Variants in KLHL1 observed in about 807,000 individuals in gnomAD.
KLHL1 encodes kelch like family member 1, also known as kelch-like protein 1.
KLHL1 carries 47 observed loss-of-function variants against 77.7 expected under a neutral mutation model. That is an observed-to-expected ratio of 0.60 (90% CI 0.48 to 0.77). The LOEUF is 0.77. KLHL1 is among the 30% of genes least tolerant of loss of function. The probability of loss-of-function intolerance (pLI) is 0.00; values close to 1 mark genes in which losing one functional copy is unlikely to be tolerated. For missense variants in KLHL1, 925 were observed against 910.8 expected, an observed-to-expected ratio of 1.02 and a Z score of -0.20; for synonymous variants, 360 against 325.2, an observed-to-expected ratio of 1.11 and a Z score of -1.15.
At chr13:69,717,384 G>A (rs1048640378) in intron 9 of KLHL1, among the ~76,000 whole-genome samples, 1 of 152,088 alleles carries the variant, frequency 6.6e-6, no homozygotes, top group Admixed American at 6.6e-5. Context: ...TATAAAAAGT[G>A]CAAAAGTGCT....
chr13:69,846,616 AATAT>A (rs967588078), intron 5 of KLHL1, among the ~76,000 whole-genome samples: 1 of 151,462 alleles, frequency 6.6e-6, no homozygotes, highest in African/African-American at 2.4e-5. Flanking sequence ...GTTAGAAAAA[AATAT>A]ATATATGAAT....
At chr13:69,798,360 C>T (rs1877221256) in intron 6 of KLHL1, among the ~76,000 whole-genome samples, 1 of 152,100 alleles carries the variant, frequency 6.6e-6, no homozygotes, top group South Asian at 2.1e-4. Context: ...ACTTTCATAA[C>T]AGAAGTTTTG....
intron 5 of KLHL1, among the ~76,000 whole-genome samples, chr13:69,840,698 A>ATATGTATG (rs200339697): frequency 1.1e-3 from 165 of 146,302 alleles, no homozygotes; most frequent in South Asian, 1.9e-3. Context: ...ATATATATAT[A>ATATGTATG]TATGTATGTA....
chr13:70,072,229 T>C (rs529381263), intron 1 of KLHL1, among the ~76,000 whole-genome samples: 44 of 152,196 alleles, frequency 2.9e-4, no homozygotes, highest in African/African-American at 9.4e-4. Context: ...AAGGACACAA[T>C]TGACCAAAAC....
intron 9 of KLHL1, among the ~76,000 whole-genome samples, chr13:69,712,587 A>C (rs1006129821): frequency 6.6e-6 from 1 of 152,080 alleles, no homozygotes; most frequent in East Asian, 1.9e-4. Flanking sequence ...ATAATTTAAT[A>C]ATAAGCCTTT....
intron 4 of KLHL1, among the ~76,000 whole-genome samples, chr13:69,901,762 T>C (rs1474443047): frequency 6.6e-6 from 1 of 151,136 alleles, no homozygotes; most frequent in Non-Finnish European, 1.5e-5. Flanking sequence ...TGGAGCACAA[T>C]GAGTTTTTCA....
intron 6 of KLHL1, among the ~76,000 whole-genome samples, chr13:69,831,358 A>G (rs1353046115): frequency 6.7e-6 from 1 of 150,068 alleles, no homozygotes; most frequent in Non-Finnish European, 1.5e-5. Flanking sequence ...AGATTTGGAT[A>G]AATTCCTGGA....
chr13:69,794,863 G>T (rs1408109483), intron 7 of KLHL1, among the ~76,000 whole-genome samples: 2 of 152,012 alleles, frequency 1.3e-5, no homozygotes, highest in Non-Finnish European at 2.9e-5. Context: ...CTCAGGAAAG[G>T]ATAAAGACAA....
intron 1 of KLHL1, among the ~76,000 whole-genome samples, chr13:69,990,881 C>G (rs368822869): frequency 6.6e-6 from 1 of 151,866 alleles, no homozygotes; most frequent in Non-Finnish European, 1.5e-5. Context: ...GGTACATGCT[C>G]TAAAGTCAAC....
chr13:70,107,393 G>T lies in KLHL1; in HGVS notation c.307C>A (p.Leu103Met), dbSNP rs1192023382. 1 of 1,613,952 alleles carries T rather than the reference G, an allele frequency of 6.2e-7. No homozygotes were observed. Residue 103 changes from leucine (L) to methionine (M), a missense_variant, in exon 1 of 11, where the codon CTG becomes ATG. By Grantham distance (15) the Leu-to-Met change is conservative. Transcript: ENST00000377844. ...CCCTGCCCAGGAGCCCCTTGCTGCAGCCTCGTGGCAACTGGAAGCAGGGTG... is the reference window on the plus strand; with the variant it reads ...CCCTGCCCAGGAGCCCCTTGCTGCATCCTCGTGGCAACTGGAAGCAGGGTG... ...NGTLLPVATR[L>M]QQGAPGQGTQ...
chr13:70,015,144 G>A (rs1306320521), intron 1 of KLHL1, among the ~76,000 whole-genome samples: 1 of 152,070 alleles, frequency 6.6e-6, no homozygotes, highest in Non-Finnish European at 1.5e-5. Flanking sequence ...AAATGATGGG[G>A]ATATGTTCAA....
At chr13:69,718,998 G>C (rs1042719600) in intron 9 of KLHL1, among the ~76,000 whole-genome samples, 1 of 152,018 alleles carries the variant, frequency 6.6e-6, no homozygotes, top group Admixed American at 6.6e-5. Context: ...ATTTTTAAAA[G>C]CATTAACAAA....
intron 4 of KLHL1, among the ~76,000 whole-genome samples, chr13:69,898,833 G>A (rs1881745646): frequency 1.3e-5 from 2 of 152,068 alleles, no homozygotes; most frequent in Admixed American, 1.3e-4. Flanking sequence ...TTGTGCACAA[G>A]GATTCAATGC....
chr13:69,846,465 T>G (rs2138123293), intron 5 of KLHL1, among the ~76,000 whole-genome samples: 1 of 151,634 alleles, frequency 6.6e-6, no homozygotes, highest in South Asian at 2.1e-4. Context: ...AACGAATTTG[T>G]TAGAGCATTC....
At chr13:69,953,194 T>C (rs1252085407) in intron 3 of KLHL1, among the ~76,000 whole-genome samples, 1 of 151,302 alleles carries the variant, frequency 6.6e-6, no homozygotes, top group African/African-American at 2.4e-5. Context: ...TGCGCAAGTC[T>C]GAGGATAACA....
intron 4 of KLHL1, among the ~76,000 whole-genome samples, chr13:69,899,072 G>T (rs189835483): frequency 4.5e-4 from 68 of 150,784 alleles, no homozygotes; most frequent in Admixed American, 1.7e-3. Context: ...TTAGCTAGAA[G>T]AAAGAAACAC....
chr13:69,987,928 CTG>C (rs1212741931), intron 1 of KLHL1, among the ~76,000 whole-genome samples: 8 of 151,712 alleles, frequency 5.3e-5, no homozygotes, highest in South Asian at 2.1e-4. Context: ...AGTGCAAAGA[CTG>C]TGTTTTATTT....
chr13:69,957,091 C>T (rs17085785), intron 3 of KLHL1, among the ~76,000 whole-genome samples: 19,443 of 151,480 alleles, frequency 0.13, 1,943 homozygotes, highest in East Asian at 0.29. Context: ...AAATCAAAGG[C>T]TTATTGAAGA....
At chr13:69,798,632 T>G (rs539026650) in intron 6 of KLHL1, among the ~76,000 whole-genome samples, 1 of 152,120 alleles carries the variant, frequency 6.6e-6, no homozygotes, top group Admixed American at 6.5e-5. Flanking sequence ...ATATTTATTA[T>G]ATTGGATATT....
Sources: allele counts gnomAD v4.1 joint callset (sites outside exome capture counted in the v4.1 genomes callset), GRCh38; gene constraint gnomAD v4.1.1; transcripts MANE v1.5; gene names NCBI Gene and HGNC (gene_info 2026-07-23, HGNC 2026-07-21).